The following DNAH7 variants were observed in gnomAD, a reference collection of about 807,000 sequenced individuals.
The protein encoded by DNAH7 is dynein axonemal heavy chain 7.
In DNAH7, 397 loss-of-function variants were observed where a neutral mutation model predicts 444.6. The observed-to-expected ratio is 0.89, with a 90% CI of 0.82 to 0.97. The LOEUF is 0.97. Ranked by LOEUF, DNAH7 falls within the 50% of genes least tolerant of loss-of-function variation. The pLI is 0.00. For missense variants in DNAH7, 4,902 were observed against 4,800.8 expected (o/e 1.02, Z -0.62); for synonymous variants, 1,636 against 1,624.4 (o/e 1.01, Z -0.17).
chr2:195,973,950 C>T (rs918691266), intron 15 of DNAH7, among the ~76,000 whole-genome samples: 36 of 151,876 alleles, frequency 2.4e-4, no homozygotes, highest in Admixed American at 7.2e-4. Context: ...TGGTGGCAGG[C>T]GCCAGTAATC....
chr2:195,905,336 T>C (rs1229598836), intron 27 of DNAH7: 1 of 152,200 alleles, frequency 6.6e-6, no homozygotes, highest in Non-Finnish European at 1.5e-5. Context: ...GTAAAATGTT[T>C]CTTAGATAGA....
At position 196,019,189 on chromosome 2, in the gene DNAH7, A is replaced by C. The variant is rs753115185; in HGVS notation, c.850T>G (p.Leu284Val). 15 of 1,492,028 alleles carry C rather than the reference A, an allele frequency of 1.0e-5. No homozygotes were observed. In the South Asian group the frequency reaches 2.3e-4, roughly 23 times the overall value. 92.4% of individuals were successfully genotyped at this position (1,492,028 alleles called of 1,614,324 possible). A position where few individuals can be genotyped will look rare whatever the true frequency, so the allele number is the denominator to read the frequency against. ...ACTCACTTAAAATTAGTGTGCCACA[A>C]ATCTAGTACAGCCAGCATTGTGGGG... ...MNPTMLAVLD[L>V]WHTNFKKLRL... The change falls in exon 9 of 65, where the codon TTG (leucine) becomes GTG (valine). Residue 284 changes from leucine to valine, a missense_variant. Leu to Val is a conservative substitution (Grantham distance 32). Transcript: ENST00000312428.
intron 17 of DNAH7, among the ~76,000 whole-genome samples, chr2:195,963,534 G>A (rs1195849876): frequency 1.3e-5 from 2 of 152,104 alleles, no homozygotes; most frequent in Non-Finnish European, 2.9e-5. Flanking sequence ...TGGGTAGTTC[G>A]CAAATATTTT....
rs918208217 is a variant in DNAH7 at position 195,888,194 on chromosome 2, G to C, written c.5406+64C>G. 1.4e-5 allele frequency: 18 copies of C among 1,306,508 alleles called. No individual in the cohort carries two copies. The African/African-American group carries it at 1.7e-4, about 12-fold the overall frequency. The allele number at this position is 1,306,508 out of a possible 1,614,324, so 80.9% of individuals were successfully genotyped here. On this transcript the variant is annotated intron_variant, in intron 33 of 64. Transcript: ENST00000312428. ...GATAATAAAAACAGACATTAAAATT[G>C]ATATGTAAGTCTAATTTGAGTTTTC...
At chr2:195,756,080 G>T in intron 62 of DNAH7, 53 bp downstream of exon 62, 1 of 1,533,542 alleles carries the variant, frequency 6.5e-7, no homozygotes, top group Non-Finnish European at 8.8e-7. Context: ...TTCTGACGAA[G>T]AAAATGAAAC....
chr2:196,028,608 A>C lies in DNAH7; in HGVS notation c.399-561T>G, dbSNP rs1017303055. Among the ~76,000 whole-genome samples, 3 of 152,336 alleles carry C rather than the reference A, an allele frequency of 2.0e-5. No individual in the cohort carries two copies. The South Asian group carries it at 6.2e-4, about 32-fold the overall frequency. On this transcript the variant is annotated intron_variant, in intron 5 of 64. Coordinates refer to ENST00000312428, the MANE Select transcript of DNAH7 (RefSeq NM_018897.3). The stretch of plus-strand genomic sequence containing the variant: ...AATGTTTGTAACTATAATTCAATTC[A>C]AAATATATGCCAAATATGAGCCACA...
At chr2:196,065,051 G>C (rs1178177065) in intron 1 of DNAH7, among the ~76,000 whole-genome samples, 1 of 151,914 alleles carries the variant, frequency 6.6e-6, no homozygotes, top group Non-Finnish European at 1.5e-5. Flanking sequence ...GTATTATATT[G>C]CCTAATTTAC....
intron 18 of DNAH7, among the ~76,000 whole-genome samples, chr2:195,958,107 C>T (rs1380027090): frequency 1.3e-5 from 2 of 152,012 alleles, no homozygotes; most frequent in African/African-American, 4.8e-5. Context: ...TCCACTTTTA[C>T]ACGGATTTTT....
intron 55 of DNAH7, among the ~76,000 whole-genome samples, chr2:195,798,462 G>A (rs1327852876): frequency 6.6e-6 from 1 of 151,192 alleles, no homozygotes; most frequent in Non-Finnish European, 1.5e-5. Flanking sequence ...TCTTGTTCTA[G>A]ACCATATGAT....
intron 9 of DNAH7, among the ~76,000 whole-genome samples, chr2:196,018,442 G>A (rs1216790956): frequency 1.3e-5 from 2 of 151,856 alleles, no homozygotes; most frequent in Admixed American, 1.3e-4. Flanking sequence ...GTAAACAAAG[G>A]GACCAGTGAA....
At chr2:195,964,945 T>C (rs2125547598) in intron 17 of DNAH7, among the ~76,000 whole-genome samples, 1 of 152,216 alleles carries the variant, frequency 6.6e-6, no homozygotes, top group South Asian at 2.1e-4. Flanking sequence ...CCAGTTTGGA[T>C]GCCCTTTATT....
At chr2:196,050,271 A>G (rs1206953472) in intron 3 of DNAH7, among the ~76,000 whole-genome samples, 1 of 152,140 alleles carries the variant, frequency 6.6e-6, no homozygotes, top group Non-Finnish European at 1.5e-5. Context: ...GATTCCACCA[A>G]TATGAAATAC....
chr2:195,927,925 C>T (rs1304334556), intron 21 of DNAH7, among the ~76,000 whole-genome samples: 2 of 152,106 alleles, frequency 1.3e-5, no homozygotes, highest in Admixed American at 6.6e-5. Context: ...TTATTTTCTA[C>T]ATCACTTTTT....
intron 1 of DNAH7, among the ~76,000 whole-genome samples, chr2:196,064,710 G>A (rs1236877014): frequency 6.6e-6 from 1 of 152,010 alleles, no homozygotes; most frequent in Non-Finnish European, 1.5e-5. Flanking sequence ...GTATCCTTCT[G>A]CAACATGCTT....
Position 195,884,692 on chromosome 2 carries a change from G to A in DNAH7, c.5656C>T (p.Arg1886Ter), listed in dbSNP as rs767696478. ...LMESPISDRTRNTFKLQSGTE... is the reference protein window; with the variant it reads ...LMESPISDRT ...CCACTCTGTAATTTAAACGTATTTC[G>A]AGTTCGATCTGAAATTGGACTTTCC... The change falls in exon 35 of 65, where the codon CGA becomes TGA. Residue 1886 changes from arginine (R) to a stop codon, truncating the protein, a stop_gained. Coordinates refer to ENST00000312428, the MANE Select transcript of DNAH7 (RefSeq NM_018897.3). LOFTEE classifies it high-confidence loss of function. 7 of 1,613,890 alleles carry A rather than the reference G, an allele frequency of 4.3e-6. No homozygotes were observed. The highest frequency in any genetic ancestry group is 1.7e-5 in the Admixed American group (1 of 59,994).
chr2:195,843,816 G>T (rs1247290621), intron 47 of DNAH7, among the ~76,000 whole-genome samples: 2 of 152,144 alleles, frequency 1.3e-5, no homozygotes, highest in Non-Finnish European at 2.9e-5. Context: ...CTATGTAGAG[G>T]CCAGGCGCAG....
At chr2:196,059,774 T>C (rs1252327925) in intron 1 of DNAH7, among the ~76,000 whole-genome samples, 1 of 152,204 alleles carries the variant, frequency 6.6e-6, no homozygotes, top group Non-Finnish European at 1.5e-5. Context: ...AGCCCAGACC[T>C]GCATCTCCTC....
In DNAH7 at chr2:195,855,974, G is replaced by C. The variant is rs773193823; in HGVS notation, c.8432C>G (p.Ala2811Gly). 2 of 1,610,138 alleles carry C rather than the reference G, an allele frequency of 1.2e-6. No homozygotes were observed. The highest frequency in any genetic ancestry group is 1.7e-6 in the Non-Finnish European group (2 of 1,178,678). Residue 2811 changes from alanine (A) to glycine (G), a missense_variant, in exon 45 of 65, where the codon GCT (alanine) becomes GGT (glycine). Physicochemically the swap from Ala to Gly is moderately conservative, Grantham distance 60 (BLOSUM62 0). Transcript: ENST00000312428. ...TGCAGCCAGTTTTATCTTTTTGGGA[G>C]CTACTATTTTTGCCACTCTGCAAAA... ...DSYDKVAKIV[A>G]PKKIKLAAAE...
Position 195,963,915 on chromosome 2 carries a change from C to T in DNAH7, c.2206-2970G>A, listed in dbSNP as rs117298464. ...GGCACTTTTCTCTAAAATGAATTTACTGTAGATTTATGAATTTGTTTCTGG... is the reference window on the plus strand; with the variant it reads ...GGCACTTTTCTCTAAAATGAATTTATTGTAGATTTATGAATTTGTTTCTGG... On this transcript the variant is annotated intron_variant, in intron 17 of 64. Transcript: ENST00000312428. Among the ~76,000 whole-genome samples the T allele has an allele frequency of 5.6e-3, 857 of 152,210 alleles. 24 individuals are homozygous for T. The highest frequency in any genetic ancestry group is 0.039 in the Admixed American group (602 of 15,272).
Sources: allele counts gnomAD v4.1 joint callset (sites outside exome capture counted in the v4.1 genomes callset), GRCh38; gene constraint gnomAD v4.1.1; transcripts MANE v1.5; gene names NCBI Gene and HGNC (gene_info 2026-07-23, HGNC 2026-07-21).